The following SLC16A12 variants were observed in gnomAD, a reference collection of about 807,000 sequenced individuals.
The protein encoded by SLC16A12 is monocarboxylate transporter 12.
Under a neutral mutation model 42.4 loss-of-function variants are expected in SLC16A12, and 17 were observed. That is an observed-to-expected ratio of 0.40 (90% confidence interval 0.27 to 0.60). SLC16A12 has a LOEUF of 0.60. Ranked by LOEUF, SLC16A12 falls within the 20% of genes least tolerant of loss-of-function variation. The pLI is 0.42. For synonymous variants in SLC16A12, 224 were observed against 229.4 expected (o/e 0.98, Z 0.21); for missense variants, 544 against 623.0 (o/e 0.87, Z 1.35).
At position 89,433,054 on chromosome 10, in the gene SLC16A12, A is replaced by G. The variant is rs1176998123; in HGVS notation, c.*10T>C. ...TCAAACCTGAAGATTCTGGGGCTCA[A>G]GGCCTTTGGTCATGTGAGGCTGTAG... On this transcript the variant is annotated 3_prime_UTR_variant, in exon 8 of 8. Coordinates refer to ENST00000371790, the MANE Select transcript of SLC16A12 (RefSeq NM_213606.4). The G allele has an allele frequency of 6.2e-7, 1 of 1,614,056 alleles. No individual in the cohort carries two copies. Among genetic ancestry groups the G allele is most frequent in the East Asian group, 2.2e-5 (1 of 44,886 alleles).
chr10:89,529,607 G>C (rs1311695525), intron 2 of SLC16A12, among the ~76,000 whole-genome samples: 1 of 150,486 alleles, frequency 6.6e-6, no homozygotes, highest in Non-Finnish European at 1.5e-5. Context: ...GAGTGCAGTG[G>C]CACAATCTCG....
chr10:89,441,062 C>A, intron 5 of SLC16A12, 46 bp downstream of exon 5: 1 of 1,610,302 alleles, frequency 6.2e-7, no homozygotes. Flanking sequence ...TGCTTGGAAA[C>A]CCCTGAATGG....
chr10:89,541,478 C>T (rs955519485), intron 2 of SLC16A12, among the ~76,000 whole-genome samples: 1 of 152,060 alleles, frequency 6.6e-6, no homozygotes, highest in African/African-American at 2.4e-5. Context: ...GCACCTGTAA[C>T]CCCAGCTACT....
chr10:89,470,266 T>C (rs1310584086), intron 2 of SLC16A12, among the ~76,000 whole-genome samples: 1 of 152,008 alleles, frequency 6.6e-6, no homozygotes, highest in African/African-American at 2.4e-5. Context: ...AAAGGAAGGG[T>C]GATGAGCTGC....
intron 3 of SLC16A12, among the ~76,000 whole-genome samples, chr10:89,459,339 T>C (rs1287293042): frequency 6.6e-6 from 1 of 151,962 alleles, no homozygotes; most frequent in Non-Finnish European, 1.5e-5. Context: ...CCATGTCTTA[T>C]AATACACAAT....
intron 2 of SLC16A12, among the ~76,000 whole-genome samples, chr10:89,545,596 T>C (rs143753707): frequency 3.9e-5 from 6 of 152,320 alleles, no homozygotes; most frequent in Admixed American, 3.3e-4. Context: ...TCCATCCTCA[T>C]GGATAGGAAG....
intron 3 of SLC16A12, among the ~76,000 whole-genome samples, chr10:89,458,681 T>C (rs1842240365): frequency 6.6e-6 from 1 of 152,182 alleles, no homozygotes; most frequent in Admixed American, 6.5e-5. Context: ...ACTGAAGAGC[T>C]TTACTTAATT....
At chr10:89,534,705 T>C (rs1843623308) in intron 1 of SLC16A12, 65 bp from the exon 2 acceptor site, 1 of 148,194 alleles carries the variant, frequency 6.7e-6, no homozygotes, top group African/African-American at 2.5e-5. Flanking sequence ...GGCGCGCACC[T>C]TTAGTCCCAG....
At chr10:89,481,065 C>A (rs1426582059) in intron 2 of SLC16A12, among the ~76,000 whole-genome samples, 1 of 152,120 alleles carries the variant, frequency 6.6e-6, no homozygotes, top group African/African-American at 2.4e-5. Flanking sequence ...TAAATGACAG[C>A]TCTGAGGACT....
chr10:89,555,734 G>A (rs1000419055), intron 2 of SLC16A12: 1 of 146,166 alleles, frequency 6.8e-6, no homozygotes, highest in Non-Finnish European at 1.5e-5. Flanking sequence ...ATGCAGTAGG[G>A]AAGAAGAAAG....
chr10:89,482,853 G>A (rs1319401185), intron 2 of SLC16A12, among the ~76,000 whole-genome samples: 1 of 151,960 alleles, frequency 6.6e-6, no homozygotes, highest in Non-Finnish European at 1.5e-5. Context: ...ATTTAGCAGA[G>A]TGAAATCATG....
At chr10:89,467,967 C>T (rs1035369255) in intron 2 of SLC16A12, 2 of 152,158 alleles carry the variant, frequency 1.3e-5, no homozygotes, top group Non-Finnish European at 2.9e-5. Context: ...AAATATTAAG[C>T]ATGATTAATT....
At chr10:89,499,135 G>A (rs1037212783) in intron 2 of SLC16A12, among the ~76,000 whole-genome samples, 3 of 151,968 alleles carry the variant, frequency 2.0e-5, no homozygotes, top group African/African-American at 4.8e-5. Flanking sequence ...AGAAATCCCC[G>A]ATTTACCTGG....
intron 2 of SLC16A12, among the ~76,000 whole-genome samples, chr10:89,529,055 G>A (rs1843500118): frequency 6.6e-6 from 1 of 152,134 alleles, no homozygotes; most frequent in Non-Finnish European, 1.5e-5. Context: ...TAGTTGTCTG[G>A]TTGAACTATC....
chr10:89,496,555 A>G (rs1842924642), intron 2 of SLC16A12, among the ~76,000 whole-genome samples: 2 of 152,198 alleles, frequency 1.3e-5, no homozygotes, highest in South Asian at 4.1e-4. Flanking sequence ...AACATTTCCC[A>G]CATTTGAGCG....
intron 3 of SLC16A12, among the ~76,000 whole-genome samples, chr10:89,460,460 C>T (rs915705907): frequency 1.1e-4 from 15 of 138,106 alleles, no homozygotes; most frequent in Non-Finnish European, 2.1e-4. Context: ...CACAGTGGCT[C>T]ACGTCTGTAA....
In SLC16A12 at chr10:89,438,645, G is replaced by A; in HGVS notation, c.987C>T (p.Asp329=). 2.5e-6 allele frequency: 4 copies of A among 1,613,838 alleles called. No homozygotes were observed. The highest frequency in any genetic ancestry group is 2.5e-6 in the Non-Finnish European group (3 of 1,179,908). The part of the protein sequence containing the change: ...AFLMSILGVI[D]IIGNITFGWL... ...ATCCAAATGTGATATTGCCAATAAT[G>A]TCAATCACTCCAAGTATGGACATAA... Residue 329 remains aspartate, a synonymous_variant, in exon 6 of 8, where the codon GAC becomes GAT. Coordinates refer to ENST00000371790, the MANE Select transcript of SLC16A12 (RefSeq NM_213606.4).
chr10:89,502,574 G>A (rs1000740977), intron 2 of SLC16A12, among the ~76,000 whole-genome samples: 5 of 152,218 alleles, frequency 3.3e-5, no homozygotes, highest in Non-Finnish European at 7.3e-5. Context: ...AGCTTGCCCA[G>A]GAGTTTGCAG....
At chr10:89,519,178 T>G (rs1307280754) in intron 2 of SLC16A12, among the ~76,000 whole-genome samples, 1 of 152,114 alleles carries the variant, frequency 6.6e-6, no homozygotes, top group African/African-American at 2.4e-5. Flanking sequence ...ATATTGATAC[T>G]GTGCCACAAA....
Sources: gnomAD v4.1 joint callset for allele counts (sites outside exome capture counted in the v4.1 genomes callset) on GRCh38, gnomAD v4.1.1 for gene constraint, MANE v1.5 for transcripts, NCBI Gene and HGNC (gene_info 2026-07-23, HGNC 2026-07-21) for gene names.